WDPCP: variants seen among roughly 807,000 people sequenced by gnomAD.
WDPCP encodes the protein WD repeat containing planar cell polarity effector.
A neutral mutation model predicts 93.1 loss-of-function variants in WDPCP; 71 were observed. That is an observed-to-expected ratio of 0.76 (90% CI 0.63 to 0.93). The LOEUF (loss-of-function observed/expected upper bound fraction) is 0.93, where lower values mean the gene tolerates loss of function less well. Among genes scored for constraint, WDPCP ranks in the 40% least tolerant of loss-of-function variants. WDPCP has a pLI of 0.00. For synonymous variants in WDPCP, 315 were observed against 315.0 expected (o/e 1.00, Z 0.00); for missense variants, 844 against 887.4 (o/e 0.95, Z 0.62).
At chr2:63,622,319 G>A (rs1709750960) in intron 3 of WDPCP, 24 of 1,596,592 alleles carry the variant, frequency 1.5e-5, no homozygotes, top group South Asian at 1.2e-4. Flanking sequence ...AAGGGGCCTC[G>A]CCTTGCAGCT....
intron 3 of WDPCP, chr2:63,622,642 G>T: frequency 6.2e-7 from 1 of 1,613,900 alleles, no homozygotes; most frequent in Non-Finnish European, 8.5e-7. Flanking sequence ...TTGGCCCAGC[G>T]TGGCATTCTG....
chr2:63,696,565 C>T (rs6546026), intron 2 of WDPCP, among the ~76,000 whole-genome samples: 118,322 of 152,080 alleles, frequency 0.78, 47,339 homozygotes, highest in African/African-American at 0.89. Context: ...AGGACCTTCA[C>T]CTCCACCAGC....
intron 1 of WDPCP, among the ~76,000 whole-genome samples, chr2:63,547,792 G>C (rs562939628): frequency 6.6e-6 from 1 of 151,488 alleles, no homozygotes; most frequent in Non-Finnish European, 1.5e-5. Flanking sequence ...GAATAGACTT[G>C]TGGGTACCAG....
At chr2:63,707,932 C>T (rs1449160615) in intron 2 of WDPCP, among the ~76,000 whole-genome samples, 1 of 152,164 alleles carries the variant, frequency 6.6e-6, no homozygotes, top group Non-Finnish European at 1.5e-5. Flanking sequence ...GCGGTGGCTG[C>T]AGAACAATGG....
chr2:63,484,573 A>T (rs1700451874), intron 6 of WDPCP, 31 bp downstream of exon 6: 1 of 1,612,026 alleles, frequency 6.2e-7, no homozygotes, highest in South Asian at 1.1e-5. Context: ...CCATTGGTTA[A>T]ACACTGCAAA....
chr2:63,241,835 A>G (rs1679879869), intron 14 of WDPCP, among the ~76,000 whole-genome samples: 1 of 152,118 alleles, frequency 6.6e-6, no homozygotes, highest in African/African-American at 2.4e-5. Context: ...GGCTCAAGCA[A>G]TCCTCCTGCC....
chr2:63,199,563 C>T (rs953418832), intron 14 of WDPCP, among the ~76,000 whole-genome samples: 58 of 152,358 alleles, frequency 3.8e-4, no homozygotes, highest in African/African-American at 1.3e-3. Flanking sequence ...TGGTGGCTTC[C>T]ATGTGGTGTT....
intron 15 of WDPCP, among the ~76,000 whole-genome samples, chr2:63,155,591 GTAAA>G (rs1416761750): frequency 1.3e-5 from 2 of 152,128 alleles, no homozygotes; most frequent in East Asian, 3.8e-4. Context: ...ACATATTTTA[GTAAA>G]TAAAGTTTTA....
At chr2:63,402,192 C>T (rs984365919) in intron 10 of WDPCP, among the ~76,000 whole-genome samples, 4 of 152,154 alleles carry the variant, frequency 2.6e-5, no homozygotes, top group African/African-American at 9.7e-5. Context: ...TGGAAGCCGT[C>T]ATCCTCAGCA....
chr2:63,527,218 C>A (rs564284961), intron 1 of WDPCP, among the ~76,000 whole-genome samples: 1 of 146,376 alleles, frequency 6.8e-6, no homozygotes, highest in South Asian at 2.2e-4. Context: ...AAAGGGCAGG[C>A]ATGCTTTTTT....
chr2:63,539,828 T>C (rs541186087), intron 1 of WDPCP, among the ~76,000 whole-genome samples: 1 of 152,346 alleles, frequency 6.6e-6, no homozygotes, highest in South Asian at 2.1e-4. Context: ...CTATTAAGTA[T>C]TGCCATTTAT....
chr2:63,322,679 A>G (rs890713352), intron 12 of WDPCP, among the ~76,000 whole-genome samples: 1 of 152,044 alleles, frequency 6.6e-6, no homozygotes, highest in African/African-American at 2.4e-5. Context: ...CACCATCTTT[A>G]AGAACTGTAA....
intron 17 of WDPCP, among the ~76,000 whole-genome samples, chr2:63,143,739 T>G (rs543153827): frequency 6.6e-6 from 1 of 152,200 alleles, no homozygotes; most frequent in African/African-American, 2.4e-5. Flanking sequence ...CTGATAATTG[T>G]TTTGTTTGAG....
chr2:63,280,338 A>G (rs1217480979), intron 13 of WDPCP, among the ~76,000 whole-genome samples: 1 of 152,188 alleles, frequency 6.6e-6, no homozygotes. Context: ...AACCACTGAT[A>G]AACCCATCAG....
In WDPCP at chr2:63,120,798, T is replaced by G. The variant is rs1669509228; in HGVS notation, c.*1208A>C. Among the ~76,000 whole-genome samples, 1 of 151,770 alleles carries G rather than the reference T, an allele frequency of 6.6e-6. No homozygotes were observed. The highest frequency in any genetic ancestry group is 2.4e-5 in the African/African-American group (1 of 41,320). On this transcript the variant is annotated 3_prime_UTR_variant, in exon 18 of 18. Coordinates refer to ENST00000272321, the MANE Select transcript of WDPCP (RefSeq NM_015910.7). ...ATTCGCCCGCCTTGGCCTCCCAAAG[T>G]GCTGGGATTACAGGCGTGAGCCACC...
intron 1 of WDPCP, among the ~76,000 whole-genome samples, chr2:63,572,060 G>A (rs1351768012): frequency 6.6e-6 from 1 of 152,116 alleles, no homozygotes; most frequent in Non-Finnish European, 1.5e-5. Context: ...CAGAAGCAGT[G>A]GACGTATAGA....
intron 6 of WDPCP, among the ~76,000 whole-genome samples, chr2:63,478,166 C>A (rs1700073312): frequency 6.6e-6 from 1 of 152,092 alleles, no homozygotes; most frequent in Non-Finnish European, 1.5e-5. Context: ...ATGCACCTAA[C>A]AATGGAGGCC....
intron 12 of WDPCP, among the ~76,000 whole-genome samples, chr2:63,374,706 A>G (rs1361848156): frequency 6.6e-6 from 1 of 152,102 alleles, no homozygotes; most frequent in East Asian, 1.9e-4. Context: ...GTAAATATTG[A>G]CTCCAGTATA....
intron 14 of WDPCP, among the ~76,000 whole-genome samples, chr2:63,189,198 T>G (rs1674862388): frequency 6.6e-6 from 1 of 152,202 alleles, no homozygotes; most frequent in Non-Finnish European, 1.5e-5. Flanking sequence ...CTGTTTTCAG[T>G]GGCCTCTAAT....
Sources: gnomAD v4.1 joint callset for allele counts (sites outside exome capture counted in the v4.1 genomes callset) on GRCh38, gnomAD v4.1.1 for gene constraint, MANE v1.5 for transcripts, NCBI Gene and HGNC (gene_info 2026-07-23, HGNC 2026-07-21) for gene names.